Variants in USP7 observed in about 807,000 individuals in gnomAD.
USP7 encodes the protein ubiquitin C-terminal hydrolase 7.
A neutral mutation model predicts 162.9 loss-of-function variants in USP7; 9 were observed. That is an observed-to-expected ratio of 0.06 (90% CI 0.03 to 0.10). USP7 has a LOEUF of 0.10. Among genes scored for constraint, USP7 ranks in the 10% least tolerant of loss-of-function variants. The pLI is 1.00. For missense variants in USP7, 715 were observed against 1,373.7 expected (o/e 0.52, Z 7.58); for synonymous variants, 562 against 475.9 (o/e 1.18, Z -2.35).
chr16:8,915,843 C>G (rs1013900568), intron 8 of USP7, among the ~76,000 whole-genome samples: 4 of 152,150 alleles, frequency 2.6e-5, no homozygotes, highest in East Asian at 1.9e-4. Context: ...AAACTTAACT[C>G]GTAATGGTCC....
intron 1 of USP7, among the ~76,000 whole-genome samples, chr16:8,933,413 G>A (rs1898488371): frequency 6.6e-6 from 1 of 152,122 alleles, no homozygotes; most frequent in African/African-American, 2.4e-5. Flanking sequence ...GGTACCAAGC[G>A]ATATGTATCA....
chr16:8,899,455 G>C (rs930708335), intron 22 of USP7, 149 bp downstream of exon 22: 2 of 1,042,082 alleles, frequency 1.9e-6, no homozygotes, highest in Non-Finnish European at 2.8e-6. Context: ...TCCCAAGGCA[G>C]AGAGCCTGAA....
chr16:8,939,908 G>C (rs1026908162), intron 1 of USP7, among the ~76,000 whole-genome samples: 1 of 152,158 alleles, frequency 6.6e-6, no homozygotes, highest in African/African-American at 2.4e-5. Context: ...AACCATCCTG[G>C]CTAACACGGT....
chr16:8,930,483 T>C lies in USP7; in HGVS notation c.80-86A>G, dbSNP rs192673218. 30 of 875,684 alleles carry C rather than the reference T, an allele frequency of 3.4e-5. No homozygotes were observed. In the Admixed American group the frequency reaches 5.4e-4, roughly 16 times the overall value. The allele number at this position is 875,684 out of a possible 1,614,324, so 54.2% of individuals were successfully genotyped here. ...AAATATAAACTTATACTTTTGATGT[T>C]GCCTAATCATTAATAAATTCCAATT... is the stretch of plus-strand genomic sequence containing the variant. On this transcript the variant is annotated intron_variant, in intron 1 of 30. Coordinates refer to ENST00000344836, the MANE Select transcript of USP7 (RefSeq NM_003470.3).
chr16:8,896,968 A>C (rs1210832200), intron 26 of USP7, 31 bp downstream of exon 26: 1 of 1,557,344 alleles, frequency 6.4e-7, no homozygotes, highest in South Asian at 1.1e-5. Context: ...CCCTAACTGA[A>C]CGTCCACAAT....
intron 25 of USP7, among the ~76,000 whole-genome samples, chr16:8,897,675 AAT>A (rs1235004496): frequency 1.6e-5 from 2 of 123,140 alleles, no homozygotes. Flanking sequence ...CAGTCTGGGC[AAT>A]ATAGTGAGAC....
chr16:8,936,114 C>T (rs537142990), intron 1 of USP7, among the ~76,000 whole-genome samples: 2 of 152,172 alleles, frequency 1.3e-5, no homozygotes, highest in Admixed American at 6.5e-5. Context: ...CCATGTCCTG[C>T]CACCAGGTGG....
chr16:8,922,149 T>C (rs1329528164), intron 3 of USP7, among the ~76,000 whole-genome samples: 4 of 152,226 alleles, frequency 2.6e-5, no homozygotes, highest in East Asian at 1.9e-4. Flanking sequence ...ACTTTAACCA[T>C]CCACAGGCCC....
In USP7 at chr16:8,923,200, G is replaced by A. The variant is rs879149278; in HGVS notation, c.383+15C>T. 1 of 124,352 alleles carries A rather than the reference G, an allele frequency of 8.0e-6. No homozygotes were observed. Among genetic ancestry groups the A allele is most frequent in the South Asian group, 5.0e-5 (1 of 20,054 alleles). 7.7% of individuals were successfully genotyped at this position (124,352 alleles called of 1,614,324 possible). On this transcript the variant is annotated intron_variant, in intron 3 of 30. Coordinates refer to ENST00000344836, the MANE Select transcript of USP7 (RefSeq NM_003470.3). ...CTGATCAAATTTGGCTTCCAGTAATGAAATACTGTCTTACGTGGAATCAGA... is the reference window on the plus strand; with the variant it reads ...CTGATCAAATTTGGCTTCCAGTAATAAAATACTGTCTTACGTGGAATCAGA...
intron 1 of USP7, among the ~76,000 whole-genome samples, chr16:8,940,399 C>G (rs1220394878): frequency 2.0e-5 from 3 of 152,196 alleles, no homozygotes; most frequent in Admixed American, 6.5e-5. Context: ...CAGGAGAACT[C>G]TTCGGCTTCT....
intron 2 of USP7, among the ~76,000 whole-genome samples, chr16:8,926,747 G>A (rs1898023900): frequency 6.6e-6 from 1 of 152,132 alleles, no homozygotes; most frequent in Non-Finnish European, 1.5e-5. Flanking sequence ...AATCTGCCTG[G>A]ATGCCACTAA....
intron 18 of USP7, among the ~76,000 whole-genome samples, 171 bp from the exon 19 acceptor site, chr16:8,901,405 T>A (rs919253037): frequency 1.3e-5 from 2 of 152,072 alleles, no homozygotes; most frequent in East Asian, 3.8e-4. Context: ...AGATGTGGCT[T>A]ATTCACGAAG....
At chr16:8,920,747 G>C (rs1239391561) in intron 4 of USP7, among the ~76,000 whole-genome samples, 2 of 152,200 alleles carry the variant, frequency 1.3e-5, no homozygotes, top group Non-Finnish European at 2.9e-5. Flanking sequence ...AGAATGCAAT[G>C]ATAAGTGACT....
intron 1 of USP7, chr16:8,936,770 T>C (rs996708796): frequency 7.6e-7 from 1 of 1,311,120 alleles, no homozygotes; most frequent in Admixed American, 3.8e-5. Context: ...ACCAGAAACA[T>C]TCAAGCAACC....
chr16:8,948,754 C>G (rs1197717163), intron 1 of USP7, among the ~76,000 whole-genome samples: 1 of 151,992 alleles, frequency 6.6e-6, no homozygotes, highest in Non-Finnish European at 1.5e-5. Flanking sequence ...ACGATAAAAG[C>G]AGCCAAAAAC....
chr16:8,910,645 C>T (rs2061931922), intron 11 of USP7, 100 bp downstream of exon 11: 1 of 1,033,316 alleles, frequency 9.7e-7, no homozygotes, highest in Non-Finnish European at 1.5e-6. Flanking sequence ...ATACCAGAAA[C>T]ACATGAAAAG....
intron 1 of USP7, among the ~76,000 whole-genome samples, chr16:8,933,922 A>AT (rs569316608): frequency 8.6e-5 from 13 of 151,790 alleles, no homozygotes; most frequent in East Asian, 3.9e-4. Flanking sequence ...CGCCCAGCTA[A>AT]TTTTTTTTAT....
intron 1 of USP7, among the ~76,000 whole-genome samples, chr16:8,955,379 G>A (rs1009656963): frequency 6.6e-6 from 1 of 152,008 alleles, no homozygotes; most frequent in Non-Finnish European, 1.5e-5. Context: ...CAAAGTGCTG[G>A]GATTACAGGC....
intron 1 of USP7, among the ~76,000 whole-genome samples, chr16:8,962,270 A>T (rs939332788): frequency 1.3e-5 from 2 of 152,196 alleles, no homozygotes; most frequent in African/African-American, 2.4e-5. Flanking sequence ...TCACGTAGGT[A>T]AGAAAACTTT....
Sources: gnomAD v4.1 joint callset for allele counts (sites outside exome capture counted in the v4.1 genomes callset) on GRCh38, gnomAD v4.1.1 for gene constraint, MANE v1.5 for transcripts, NCBI Gene and HGNC (gene_info 2026-07-23, HGNC 2026-07-21) for gene names.